Variants in OPCML observed in about 807,000 individuals in gnomAD.
OPCML encodes the protein opioid-binding protein/cell adhesion molecule.
Under a neutral mutation model 37.8 loss-of-function variants are expected in OPCML, and 13 were observed. That is an observed-to-expected ratio of 0.34 (90% CI 0.22 to 0.55). The LOEUF (loss-of-function observed/expected upper bound fraction) is 0.55. Among genes scored for constraint, OPCML ranks in the 20% least tolerant of loss-of-function variants. OPCML has a pLI of 0.91. For synonymous variants in OPCML, 176 were observed against 168.8 expected (o/e 1.04, Z -0.33); for missense variants, 341 against 435.6 (o/e 0.78, Z 1.93).
chr11:132,566,926 G>T (rs1165586030), intron 3 of OPCML, among the ~76,000 whole-genome samples: 1 of 148,374 alleles, frequency 6.7e-6, no homozygotes, highest in Non-Finnish European at 1.5e-5. Flanking sequence ...AACCCAAGGA[G>T]AAAGAGAACA....
At chr11:133,417,597 T>C (rs139121795) in intron 1 of OPCML, among the ~76,000 whole-genome samples, 2,200 of 151,984 alleles carry the variant, frequency 0.014, 48 homozygotes, top group African/African-American at 0.05. Context: ...ACTGGTCATT[T>C]AGCATTAGGT....
intron 1 of OPCML, among the ~76,000 whole-genome samples, chr11:133,517,315 A>G (rs1299292821): frequency 3.3e-5 from 5 of 152,274 alleles, no homozygotes; most frequent in Admixed American, 3.3e-4. Flanking sequence ...TACATCATTT[A>G]TACATGCATA....
chr11:133,453,778 T>A (rs1023527303), intron 1 of OPCML, among the ~76,000 whole-genome samples: 1 of 152,234 alleles, frequency 6.6e-6, no homozygotes, highest in Non-Finnish European at 1.5e-5. Flanking sequence ...AAGGGTCTTA[T>A]ATGTCCACAA....
chr11:133,510,966 T>G lies in OPCML; in HGVS notation c.61+21298A>C, dbSNP rs556232194. ...CCAACTGCCTACTCAACATGCCCCA[T>G]AGCCATTTCAAGTTCAACACATCCA... is the stretch of plus-strand genomic sequence containing the variant. On this transcript the variant is annotated intron_variant, in intron 1 of 7. Transcript: ENST00000524381. Among the ~76,000 whole-genome samples the G allele has an allele frequency of 2.6e-5, 4 of 152,012 alleles. No individual in the cohort carries two copies. In the East Asian group the frequency reaches 7.7e-4, roughly 29 times the overall value.
At chr11:133,332,405 G>A (rs1565576972) in intron 1 of OPCML, among the ~76,000 whole-genome samples, 1 of 152,082 alleles carries the variant, frequency 6.6e-6, no homozygotes, top group Admixed American at 6.6e-5. Context: ...TTCCTATTTG[G>A]ATGCCCTTTA....
At chr11:133,024,871 G>A (rs1947521188) in intron 1 of OPCML, 1 of 985,290 alleles carries the variant, frequency 1.0e-6, no homozygotes, top group African/African-American at 1.7e-5. Flanking sequence ...TTCTATGCCA[G>A]TGATTTTCCA....
chr11:133,289,225 A>G (rs985524496), intron 1 of OPCML, among the ~76,000 whole-genome samples: 10 of 152,236 alleles, frequency 6.6e-5, no homozygotes, highest in Admixed American at 5.9e-4. Context: ...AAATGTTCAC[A>G]TAAGAAATAA....
At chr11:132,653,891 ATT>A (rs953196904) in intron 3 of OPCML, among the ~76,000 whole-genome samples, 5 of 152,180 alleles carry the variant, frequency 3.3e-5, no homozygotes, top group Non-Finnish European at 7.3e-5. Flanking sequence ...CAGCTCGGAA[ATT>A]TTTCTGTTTT....
chr11:133,035,639 C>T (rs546378577), intron 1 of OPCML, among the ~76,000 whole-genome samples: 55 of 152,226 alleles, frequency 3.6e-4, no homozygotes, highest in African/African-American at 1.3e-3. Context: ...ATCGTGCCCC[C>T]CCAAAAAATG....
intron 1 of OPCML, among the ~76,000 whole-genome samples, chr11:133,500,508 G>A (rs1158354602): frequency 6.6e-6 from 1 of 152,216 alleles, no homozygotes; most frequent in Admixed American, 6.5e-5. Context: ...TATTTCTCGA[G>A]TCTCCAGTGT....
intron 2 of OPCML, among the ~76,000 whole-genome samples, chr11:132,878,867 G>A (rs570739741): frequency 1.3e-5 from 2 of 152,258 alleles, no homozygotes; most frequent in East Asian, 1.9e-4. Context: ...TGATGGGTAC[G>A]TCATAGAGCA....
At chr11:133,236,094 T>C (rs1940503161) in intron 1 of OPCML, among the ~76,000 whole-genome samples, 1 of 152,134 alleles carries the variant, frequency 6.6e-6, no homozygotes, top group Non-Finnish European at 1.5e-5. Flanking sequence ...ACAACTAATA[T>C]TAAAATAGAA....
chr11:132,565,582 C>G (rs914438171), intron 3 of OPCML, among the ~76,000 whole-genome samples: 1 of 152,200 alleles, frequency 6.6e-6, no homozygotes, highest in African/African-American at 2.4e-5. Flanking sequence ...ACAGAATTCT[C>G]TGGTGGCCCT....
intron 3 of OPCML, among the ~76,000 whole-genome samples, chr11:132,620,436 A>G (rs570715767): frequency 6.6e-6 from 1 of 152,322 alleles, no homozygotes; most frequent in South Asian, 2.1e-4. Flanking sequence ...CTGTGTCCCT[A>G]GAAAACAGAC....
At chr11:132,963,388 A>G (rs12284464) in intron 1 of OPCML, among the ~76,000 whole-genome samples, 15,033 of 151,802 alleles carry the variant, frequency 0.099, 941 homozygotes, top group African/African-American at 0.16. Flanking sequence ...TCAGGAGTCT[A>G]AGACCAGCCT....
chr11:133,154,549 A>G (rs1194317880), intron 1 of OPCML, among the ~76,000 whole-genome samples: 2 of 151,986 alleles, frequency 1.3e-5, no homozygotes, highest in East Asian at 1.9e-4. Context: ...AATTATCAGC[A>G]TTAAAAAATA....
chr11:132,662,044 A>G (rs1939521), intron 2 of OPCML, among the ~76,000 whole-genome samples: 66,534 of 152,068 alleles, frequency 0.44, 15,204 homozygotes, highest in Middle Eastern at 0.58. Flanking sequence ...GTTTCTGAAT[A>G]TGTACCGTGG....
intron 1 of OPCML, among the ~76,000 whole-genome samples, chr11:133,304,333 G>A (rs552954545): frequency 1.2e-4 from 18 of 152,272 alleles, no homozygotes; most frequent in East Asian, 3.9e-4. Context: ...TTCTTGGCCC[G>A]TTTCCTTCTT....
At chr11:132,952,500 A>T (rs539404207) in intron 1 of OPCML, among the ~76,000 whole-genome samples, 20 of 152,316 alleles carry the variant, frequency 1.3e-4, no homozygotes, top group Admixed American at 1.0e-3. Flanking sequence ...ATGCAAATAC[A>T]CATTCATTGG....
Sources: allele counts gnomAD v4.1 joint callset (sites outside exome capture counted in the v4.1 genomes callset), GRCh38; gene constraint gnomAD v4.1.1; transcripts MANE v1.5; gene names NCBI Gene and HGNC (gene_info 2026-07-23, HGNC 2026-07-21).